NDC1: variants seen among roughly 807,000 people sequenced by gnomAD.
The protein encoded by NDC1 is NDC1 transmembrane nucleoporin.
Under a neutral mutation model 89.8 loss-of-function variants are expected in NDC1, and 24 were observed. The ratio of observed to expected loss-of-function variants is 0.27; its 90% CI spans 0.19 to 0.38. The LOEUF is 0.38. Ranked by LOEUF, NDC1 falls within the 10% of genes least tolerant of loss-of-function variation. The pLI, the probability that NDC1 is intolerant of heterozygous loss-of-function variation, is 1.00. For synonymous variants in NDC1, 296 were observed against 284.8 expected (o/e 1.04, Z -0.39); for missense variants, 728 against 797.6 (o/e 0.91, Z 1.05).
chr1:53,821,130 G>A (rs1648656685), intron 5 of NDC1, among the ~76,000 whole-genome samples: 1 of 151,934 alleles, frequency 6.6e-6, no homozygotes, highest in South Asian at 2.1e-4. Flanking sequence ...GATGCCTACA[G>A]TATCTTACAA....
At chr1:53,773,230 G>A (rs1261592256) in intron 16 of NDC1, among the ~76,000 whole-genome samples, 2 of 152,010 alleles carry the variant, frequency 1.3e-5, no homozygotes, top group Non-Finnish European at 2.9e-5. Flanking sequence ...AAAATAAACT[G>A]ACAAGATACA....
chr1:53,818,482 T>C (rs1376277752), intron 6 of NDC1, among the ~76,000 whole-genome samples: 3 of 152,106 alleles, frequency 2.0e-5, no homozygotes, highest in Non-Finnish European at 2.9e-5. Context: ...TTCAATACAG[T>C]AGTGTTAACT....
intron 1 of NDC1, among the ~76,000 whole-genome samples, chr1:53,837,795 C>T (rs892990548): frequency 6.6e-6 from 1 of 152,212 alleles, no homozygotes; most frequent in Non-Finnish European, 1.5e-5. Context: ...AACACCTGCC[C>T]TGCTTACTGG....
At chr1:53,798,054 T>C (rs1438807083) in intron 11 of NDC1, among the ~76,000 whole-genome samples, 1 of 151,620 alleles carries the variant, frequency 6.6e-6, no homozygotes, top group Non-Finnish European at 1.5e-5. Context: ...ATAGAGTCTG[T>C]TATACAAAAA....
At chr1:53,804,405 C>T (rs906451117) in intron 9 of NDC1, among the ~76,000 whole-genome samples, 1 of 152,218 alleles carries the variant, frequency 6.6e-6, no homozygotes. Context: ...CCAAACTGTG[C>T]GGCCCACAAG....
chr1:53,799,751 C>G (rs548899830), intron 11 of NDC1, among the ~76,000 whole-genome samples: 37 of 152,172 alleles, frequency 2.4e-4, no homozygotes, highest in Non-Finnish European at 5.0e-4. Flanking sequence ...CCTCACCCAG[C>G]CAGTTTCATC....
intron 6 of NDC1, among the ~76,000 whole-genome samples, chr1:53,817,878 T>C (rs1382571533): frequency 6.6e-6 from 1 of 152,180 alleles, no homozygotes; most frequent in Non-Finnish European, 1.5e-5. Context: ...TATTACATGT[T>C]GCTAACAAGA....
chr1:53,831,610 T>C (rs991999417), intron 3 of NDC1, among the ~76,000 whole-genome samples: 2 of 151,940 alleles, frequency 1.3e-5, no homozygotes, highest in African/African-American at 2.4e-5. Context: ...GAGGCAGAGA[T>C]TGCAGTAAGC....
intron 16 of NDC1, among the ~76,000 whole-genome samples, chr1:53,781,535 G>T (rs956994750): frequency 1.2e-4 from 18 of 152,202 alleles, no homozygotes; most frequent in African/African-American, 3.4e-4. Flanking sequence ...TTTGAAGGAT[G>T]AAAGGCTCCC....
chr1:53,800,748 C>T lies in NDC1; in HGVS notation c.1167G>A (p.Thr389=), dbSNP rs145025749. The change falls in exon 11 of 18, where the codon ACG becomes ACA. Residue 389 remains threonine, a synonymous_variant. Coordinates refer to ENST00000371429, the MANE Select transcript of NDC1 (RefSeq NM_018087.5). ...KLILYQEAAA[T]NGRVSSSYPV... Reference sequence around the variant, plus strand: ...GGTAAGATGAAGACACTCTCCCATTCGTAGCAGCAGCTTCTTGATAGAGAA... The same window carrying T: ...GGTAAGATGAAGACACTCTCCCATTTGTAGCAGCAGCTTCTTGATAGAGAA... 5.8e-5 allele frequency: 94 copies of T among 1,613,974 alleles called. No individual in the cohort carries two copies. Among genetic ancestry groups the T allele is most frequent in the Non-Finnish European group, 7.5e-5 (88 of 1,179,972 alleles).
chr1:53,791,127 C>T (rs961161104), intron 14 of NDC1, among the ~76,000 whole-genome samples: 8 of 152,126 alleles, frequency 5.3e-5, no homozygotes, highest in Non-Finnish European at 1.0e-4. Context: ...TAAGTAAGAA[C>T]GTGCAATATT....
chr1:53,797,182 G>T lies in NDC1; in HGVS notation c.1223-38C>A. 3 of 1,602,156 alleles carry T rather than the reference G, an allele frequency of 1.9e-6. No homozygotes were observed. In the South Asian group the frequency reaches 3.3e-5, roughly 18 times the overall value. On this transcript the variant is annotated intron_variant, in intron 11 of 17. Transcript: ENST00000371429. Reference sequence around the variant, plus strand: ...AGATCCAGTGCTGAAGAGGCAACCTGATCCAAGCAGGCTAGCAGCAACGCT... The same window carrying T: ...AGATCCAGTGCTGAAGAGGCAACCTTATCCAAGCAGGCTAGCAGCAACGCT...
intron 1 of NDC1, among the ~76,000 whole-genome samples, chr1:53,837,931 C>T (rs1176000409): frequency 6.6e-6 from 1 of 152,208 alleles, no homozygotes; most frequent in East Asian, 1.9e-4. Flanking sequence ...TTGCGTAAAA[C>T]TCCGCCTCAC....
chr1:53,815,806 C>G (rs1443972755), intron 6 of NDC1, among the ~76,000 whole-genome samples: 1 of 152,174 alleles, frequency 6.6e-6, no homozygotes, highest in Non-Finnish European at 1.5e-5. Context: ...TATACACCAA[C>G]AGTGACCAAG....
intron 3 of NDC1, among the ~76,000 whole-genome samples, chr1:53,830,395 A>G (rs1412291015): frequency 6.6e-6 from 1 of 151,286 alleles, no homozygotes; most frequent in African/African-American, 2.4e-5. Context: ...TGGAGGTTGC[A>G]GTGAGCCGAG....
At chr1:53,798,599 G>A (rs1647806410) in intron 11 of NDC1, among the ~76,000 whole-genome samples, 1 of 146,092 alleles carries the variant, frequency 6.8e-6, no homozygotes, top group South Asian at 2.1e-4. Context: ...CTGTCACCCA[G>A]ACTGGAGTGC....
At position 53,765,641 on chromosome 1, in the gene NDC1, C is replaced by T. The variant is rs1647059357; in HGVS notation, c.*2329G>A. ...TTGTTGCTTATCCATGTCCACTCAA[C>T]TGTACAAGGTTTATTTCTAGGACAA... On this transcript the variant is annotated 3_prime_UTR_variant, in exon 18 of 18. Coordinates refer to ENST00000371429, the MANE Select transcript of NDC1 (RefSeq NM_018087.5). The T allele has an allele frequency of 6.6e-6, 1 of 152,150 alleles. No individual in the cohort carries two copies. The highest frequency in any genetic ancestry group is 2.1e-4 in the South Asian group (1 of 4,828). The allele number at this position is 152,150 out of a possible 1,614,324, so 9.4% of individuals were successfully genotyped here. A position where few individuals can be genotyped will look rare whatever the true frequency, so the allele number is the denominator to read the frequency against.
Position 53,806,495 on chromosome 1 carries a change from G to A in NDC1, c.914C>T (p.Pro305Leu), listed in dbSNP as rs774122813. ...CTCATCTGACCCTTCTGCAAATGGT[G>A]GTTGAACAGGAAACACATGAGCCTA... is the stretch of plus-strand genomic sequence containing the variant. ...ATEAHVFPVQ[P>L]PFAEGSDECL... The change falls in exon 9 of 18, where the codon CCA (proline) becomes CTA (leucine). Residue 305 changes from proline (P) to leucine (L), a missense_variant. Transcript: ENST00000371429. The A allele has an allele frequency of 9.9e-6, 15 of 1,518,256 alleles. No individual in the cohort carries two copies. The highest frequency in any genetic ancestry group is 3.5e-6 in the Non-Finnish European group (4 of 1,139,748). The allele number at this position is 1,518,256 out of a possible 1,614,324, so 94.0% of individuals were successfully genotyped here.
At chr1:53,817,277 G>GTA (rs767227798) in intron 6 of NDC1, among the ~76,000 whole-genome samples, 14 of 152,134 alleles carry the variant, frequency 9.2e-5, no homozygotes, top group South Asian at 6.2e-4. Context: ...AAGAAACTGT[G>GTA]TATATATATA....
Sources: allele counts gnomAD v4.1 joint callset (sites outside exome capture counted in the v4.1 genomes callset), GRCh38; gene constraint gnomAD v4.1.1; transcripts MANE v1.5; gene names NCBI Gene and HGNC (gene_info 2026-07-23, HGNC 2026-07-21).